The following SERINC5 variants were observed in gnomAD, a reference collection of about 807,000 sequenced individuals.
SERINC5 encodes serine incorporator 5, also known as chromosome 5 open reading frame 12.
In SERINC5, 41 loss-of-function variants were observed where a neutral mutation model predicts 63.1. The ratio of observed to expected loss-of-function variants is 0.65; its 90% confidence interval spans 0.51 to 0.84. The LOEUF is 0.84. Among genes scored for constraint, SERINC5 ranks in the 40% least tolerant of loss-of-function variants. SERINC5 has a pLI of 0.00. For missense variants in SERINC5, 523 were observed against 573.0 expected, an observed-to-expected ratio of 0.91 and a Z score of 0.89; for synonymous variants, 222 against 215.2, an observed-to-expected ratio of 1.03 and a Z score of -0.28.
At chr5:80,245,178 T>C (rs1267227311) in intron 1 of SERINC5, among the ~76,000 whole-genome samples, 2 of 151,978 alleles carry the variant, frequency 1.3e-5, no homozygotes, top group African/African-American at 4.8e-5. Flanking sequence ...TTCCTTCTCG[T>C]ACTACAGCTG....
intron 2 of SERINC5, among the ~76,000 whole-genome samples, chr5:80,180,344 T>C (rs1207277706): frequency 6.6e-6 from 1 of 152,080 alleles, no homozygotes; most frequent in African/African-American, 2.4e-5. Flanking sequence ...AAAAATAAAG[T>C]ATCACAGAGA....
At chr5:80,213,245 C>CAAAAA (rs57289084) in intron 1 of SERINC5, among the ~76,000 whole-genome samples, 1 of 132,660 alleles carries the variant, frequency 7.5e-6, no homozygotes. Context: ...GACTGCATCT[C>CAAAAA]AAAGAAAGAA....
chr5:80,195,965 A>AGCTG (rs1418104546), intron 2 of SERINC5, among the ~76,000 whole-genome samples: 12 of 152,220 alleles, frequency 7.9e-5, no homozygotes, highest in Non-Finnish European at 1.6e-4. Context: ...GTCTGAGGGC[A>AGCTG]GCTGGGAACA....
downstream of SERINC5, among the ~76,000 whole-genome samples, chr5:80,137,154 A>AAAC (rs1561356037): frequency 9.6e-4 from 111 of 115,432 alleles, 1 homozygote; most frequent in African/African-American, 3.2e-3. Context: ...AAAAAAAAAA[A>AAAC]AAAAAAAAAC....
chr5:80,224,935 G>GT (rs764594236), intron 1 of SERINC5, among the ~76,000 whole-genome samples: 87 of 81,702 alleles, frequency 1.1e-3, no homozygotes, highest in East Asian at 6.8e-3. Context: ...TTTTTTTTTT[G>GT]TTTTTTTTTG....
intron 1 of SERINC5, among the ~76,000 whole-genome samples, chr5:80,217,421 G>A (rs1291720096): frequency 6.6e-6 from 1 of 152,248 alleles, no homozygotes; most frequent in Non-Finnish European, 1.5e-5. Context: ...TTCTAGGCTG[G>A]TGACAGGCCC....
intron 8 of SERINC5, among the ~76,000 whole-genome samples, chr5:80,156,589 A>G (rs531806023): frequency 2.8e-4 from 43 of 152,254 alleles, no homozygotes; most frequent in Middle Eastern, 6.8e-3. Context: ...CTGCAGTTTT[A>G]TATGTTCTCA....
At chr5:80,225,613 G>C (rs1244699020) in intron 1 of SERINC5, among the ~76,000 whole-genome samples, 2 of 152,196 alleles carry the variant, frequency 1.3e-5, no homozygotes, top group Admixed American at 6.5e-5. Context: ...GCAAAGCCTT[G>C]ATGGTGCTGA....
intron 2 of SERINC5, among the ~76,000 whole-genome samples, chr5:80,193,352 A>G (rs1264029570): frequency 6.6e-6 from 1 of 152,066 alleles, no homozygotes; most frequent in African/African-American, 2.4e-5. Context: ...GACAATGCTC[A>G]TTTCCAAAGC....
intron 6 of SERINC5, among the ~76,000 whole-genome samples, chr5:80,168,943 A>AC (rs999989772): frequency 2.0e-5 from 3 of 152,062 alleles, no homozygotes; most frequent in Admixed American, 1.3e-4. Flanking sequence ...GTGAAAGATG[A>AC]CCCCAGAACC....
chr5:80,150,939 T>G lies in SERINC5; in HGVS notation c.996A>C (p.Ser332=). ...GAGCGTCAGAACTCGATCTTGTTGT[T>G]GATGTCAAACTAAGAAACAGACAAA... The part of the protein sequence containing the change: ...IGCILYSCLT[S]TTRSSSDALQ... Residue 332 remains serine (S), a synonymous_variant, in exon 9 of 12, where the codon TCA becomes TCC. Coordinates refer to ENST00000507668, the MANE Select transcript of SERINC5 (RefSeq NM_001174072.3). 6.2e-7 allele frequency: 1 copy of G among 1,613,250 alleles called. No individual in the cohort carries two copies. Among genetic ancestry groups the G allele is most frequent in the South Asian group, 1.1e-5 (1 of 91,076 alleles).
intron 1 of SERINC5, among the ~76,000 whole-genome samples, chr5:80,240,016 A>C (rs1302583853): frequency 6.6e-6 from 1 of 152,202 alleles, no homozygotes; most frequent in Non-Finnish European, 1.5e-5. Context: ...TGCAAGTCCA[A>C]GGCTTCTGAG....
At position 80,177,382 on chromosome 5, in the gene SERINC5, T is replaced by C; in HGVS notation, c.390A>G (p.Lys130=). ...AGCACATGGCCCCCAACAGCAGAAG[T>C]TTAAAGAACCAAAAGCTAGAAGTGG... ...AHIHNGFWFF[K]LLLLGAMCSG... The change falls in exon 4 of 12, where the codon AAA becomes AAG. Residue 130 remains lysine, a synonymous_variant. Coordinates refer to ENST00000507668, the MANE Select transcript of SERINC5 (RefSeq NM_001174072.3). The C allele has an allele frequency of 6.2e-7, 1 of 1,612,942 alleles. No individual in the cohort carries two copies.
At chr5:80,156,406 T>G (rs576391237) in intron 8 of SERINC5, among the ~76,000 whole-genome samples, 1 of 152,288 alleles carries the variant, frequency 6.6e-6, no homozygotes, top group Admixed American at 6.5e-5. Context: ...TTTAGTGTTC[T>G]TAAAGCTGAC....
chr5:80,240,629 A>G (rs934706748), intron 1 of SERINC5, among the ~76,000 whole-genome samples: 1 of 152,208 alleles, frequency 6.6e-6, no homozygotes, highest in Admixed American at 6.5e-5. Context: ...TAAAAATTAC[A>G]CTAAATGTCC....
intron 1 of SERINC5, among the ~76,000 whole-genome samples, chr5:80,229,009 T>C (rs1751296931): frequency 7.7e-6 from 1 of 129,776 alleles, no homozygotes; most frequent in East Asian, 2.4e-4. Context: ...ATACCACCAA[T>C]GTTTTACATA....
intron 1 of SERINC5, among the ~76,000 whole-genome samples, chr5:80,249,087 G>A (rs191186937): frequency 1.3e-5 from 2 of 152,082 alleles, no homozygotes; most frequent in African/African-American, 4.8e-5. Context: ...GGCCAAGGCG[G>A]GTGGATCACG....
chr5:80,243,196 A>AT (rs1561452277), intron 1 of SERINC5, among the ~76,000 whole-genome samples: 1 of 152,066 alleles, frequency 6.6e-6, no homozygotes, highest in African/African-American at 2.4e-5. Context: ...TTCTACAATT[A>AT]TTTTTTAAAC....
At chr5:80,237,100 T>TA (rs1299160177) in intron 1 of SERINC5, among the ~76,000 whole-genome samples, 1 of 152,126 alleles carries the variant, frequency 6.6e-6, no homozygotes, top group Non-Finnish European at 1.5e-5. Flanking sequence ...GTGCTGGGAT[T>TA]ACAGGCATGA....
Sources: gnomAD v4.1 joint callset for allele counts (sites outside exome capture counted in the v4.1 genomes callset) on GRCh38, gnomAD v4.1.1 for gene constraint, MANE v1.5 for transcripts, NCBI Gene and HGNC (gene_info 2026-07-23, HGNC 2026-07-21) for gene names.